Variants in DNAAF11 observed in about 807,000 individuals in gnomAD.
DNAAF11 encodes leucine rich repeat containing 6.
Under a neutral mutation model 60.8 loss-of-function variants are expected in DNAAF11, and 45 were observed. The observed-to-expected ratio is 0.74, with a 90% CI of 0.58 to 0.95. The LOEUF (loss-of-function observed/expected upper bound fraction) is 0.95, where lower values mean the gene tolerates loss of function less well. Ranked by LOEUF, DNAAF11 falls within the 40% of genes least tolerant of loss-of-function variation. DNAAF11 has a pLI of 0.00. For synonymous variants in DNAAF11, 191 were observed against 183.5 expected (o/e 1.04, Z -0.33); for missense variants, 546 against 546.2 (o/e 1.00, Z 0.00).
intron 5 of DNAAF11, among the ~76,000 whole-genome samples, chr8:132,631,937 G>C (rs1252885271): frequency 2.6e-5 from 4 of 151,576 alleles, no homozygotes; most frequent in African/African-American, 9.7e-5. Context: ...AATGGGTGCA[G>C]CACACCAACA....
At chr8:132,647,831 A>C (rs1027520608) in intron 3 of DNAAF11, among the ~76,000 whole-genome samples, 1 of 152,240 alleles carries the variant, frequency 6.6e-6, no homozygotes, top group African/African-American at 2.4e-5. Context: ...TGAATCCCTG[A>C]ATAGACCAAT....
intron 3 of DNAAF11, among the ~76,000 whole-genome samples, chr8:132,646,638 G>T (rs570276365): frequency 6.6e-6 from 1 of 152,176 alleles, no homozygotes; most frequent in Non-Finnish European, 1.5e-5. Context: ...AGGGATGGAG[G>T]AAGATCTACC....
At chr8:132,692,779 G>A in the DNAAF11 span, among the ~76,000 whole-genome samples, 733 of 152,302 alleles carry the variant, frequency 4.8e-3, 6 homozygotes, top group African/African-American at 0.012. Flanking sequence ...CCAAGGGCAA[G>A]CATTACTCAT....
intron 8 of DNAAF11, among the ~76,000 whole-genome samples, chr8:132,612,637 C>G (rs766014646): frequency 1.3e-5 from 2 of 152,014 alleles, no homozygotes; most frequent in Non-Finnish European, 2.9e-5. Context: ...TGCCCTCCCC[C>G]ACAGGGCTCT....
At chr8:132,573,364 C>T (rs537163885) in intron 11 of DNAAF11, among the ~76,000 whole-genome samples, 6 of 152,266 alleles carry the variant, frequency 3.9e-5, no homozygotes, top group Admixed American at 1.3e-4. Flanking sequence ...AGGGAAACCA[C>T]GGTCTGTGCA....
chr8:132,650,176 T>C (rs1327690781), intron 3 of DNAAF11, among the ~76,000 whole-genome samples: 1 of 152,220 alleles, frequency 6.6e-6, no homozygotes, highest in African/African-American at 2.4e-5. Flanking sequence ...CACCATGGAA[T>C]ACTATGCAGC....
At chr8:132,596,634 G>A (rs1817043619) in intron 10 of DNAAF11, among the ~76,000 whole-genome samples, 1 of 152,162 alleles carries the variant, frequency 6.6e-6, no homozygotes, top group African/African-American at 2.4e-5. Context: ...AAGTACCCAG[G>A]ACCTGAGGCT....
intron 7 of DNAAF11, among the ~76,000 whole-genome samples, chr8:132,620,941 T>G (rs528887726): frequency 4.6e-5 from 7 of 152,204 alleles, no homozygotes; most frequent in Admixed American, 3.3e-4. Context: ...GGGCTTCTGG[T>G]GGATCACCTA....
intron 11 of DNAAF11, among the ~76,000 whole-genome samples, chr8:132,575,622 G>A (rs75896039): frequency 0.027 from 4,111 of 152,174 alleles, 207 homozygotes; most frequent in African/African-American, 0.092. Flanking sequence ...ACCAAGGCCC[G>A]GAAAGAATTA....
intron 7 of DNAAF11, among the ~76,000 whole-genome samples, chr8:132,619,768 T>A (rs941786744): frequency 9.2e-5 from 14 of 152,204 alleles, no homozygotes; most frequent in Non-Finnish European, 1.9e-4. Flanking sequence ...TGTGTGAGAC[T>A]GATCTAGCAG....
chr8:132,590,415 T>C (rs1394539029), intron 10 of DNAAF11, among the ~76,000 whole-genome samples: 1 of 152,242 alleles, frequency 6.6e-6, no homozygotes, highest in Non-Finnish European at 1.5e-5. Flanking sequence ...GTCCCAGGAA[T>C]AGTGGTAACT....
intron 3 of DNAAF11, among the ~76,000 whole-genome samples, chr8:132,643,021 C>T (rs763134656): frequency 3.9e-5 from 6 of 152,186 alleles, no homozygotes; most frequent in African/African-American, 7.2e-5. Flanking sequence ...CATACGAGCA[C>T]GCAACCTACA....
intron 3 of DNAAF11, among the ~76,000 whole-genome samples, chr8:132,648,108 C>G (rs1028810529): frequency 6.6e-6 from 1 of 152,274 alleles, no homozygotes; most frequent in Non-Finnish European, 1.5e-5. Context: ...CAAAAATCCT[C>G]AATAAAATAC....
Position 132,656,823 on chromosome 8 carries a change from G to A in DNAAF11, c.256+7C>T, listed in dbSNP as rs781258895. 3.3e-6 allele frequency: 4 copies of A among 1,199,006 alleles called. No individual in the cohort carries two copies. The highest frequency in any genetic ancestry group is 3.6e-6 in the Non-Finnish European group (3 of 825,392). The allele number at this position is 1,199,006 out of a possible 1,614,324, so 74.3% of individuals were successfully genotyped here. A position where few individuals can be genotyped will look rare whatever the true frequency, so the allele number is the denominator to read the frequency against. ...TCATAATAGCATAATAGAAGAAACA[G>A]TCTTACCTTCCAAGTTTTCTATTTT... On this transcript the variant is annotated splice_region_variant and intron_variant, in intron 3 of 11. Transcript: ENST00000620350.
At chr8:132,610,412 T>G (rs1818546537) in intron 9 of DNAAF11, 151 bp from the exon 10 acceptor site, 3 of 585,740 alleles carry the variant, frequency 5.1e-6, no homozygotes, top group Admixed American at 3.1e-5. Context: ...GAGCTATGCT[T>G]TCTATGCACA....
the DNAAF11 span, among the ~76,000 whole-genome samples, chr8:132,685,366 A>C: frequency 1.3e-5 from 2 of 152,352 alleles, no homozygotes; most frequent in African/African-American, 4.8e-5. Context: ...TAATCAACCA[A>C]GATAAACTTG....
rs147683488 is a variant in DNAAF11, at chr8:132,659,133, G to T, written c.179-2226C>A. ...TCTGATTCAGTAGGTCTGGGGACGG[G>T]GCACTTGACAAGACCCCACATGGCC... On this transcript the variant is annotated intron_variant, in intron 2 of 11. Transcript: ENST00000620350. Among the ~76,000 whole-genome samples the T allele has an allele frequency of 5.3e-5, 8 of 152,314 alleles. 1 individual carries two copies. The highest frequency in any genetic ancestry group is 1.9e-4 in the African/African-American group (8 of 41,576).
intron 7 of DNAAF11, among the ~76,000 whole-genome samples, chr8:132,620,480 G>A (rs1016355378): frequency 6.6e-6 from 1 of 152,082 alleles, no homozygotes; most frequent in Non-Finnish European, 1.5e-5. Flanking sequence ...GATTACAGGT[G>A]TGTGCCACCA....
At position 132,572,393 on chromosome 8, in the gene DNAAF11, TG is replaced by T; in HGVS notation, c.1313del (p.Thr438AsnfsTer28). 6 of 1,613,908 alleles carry T rather than the reference TG, an allele frequency of 3.7e-6. No individual in the cohort carries two copies. The highest frequency in any genetic ancestry group is 5.1e-6 in the Non-Finnish European group (6 of 1,179,830). On this transcript the variant is annotated frameshift_variant, in exon 12 of 12. Transcript: ENST00000620350. LOFTEE classifies it high-confidence loss of function. ...TTTTGGGTTCAGGTCGTCTTCTGGG[TG>T]TGTGTTTTTTCTCTTGAACTATGTT... ...VTNIVQEKKH[T>X]PRRRPEPKII...
Sources: allele counts gnomAD v4.1 joint callset (sites outside exome capture counted in the v4.1 genomes callset), GRCh38; gene constraint gnomAD v4.1.1; transcripts MANE v1.5; gene names NCBI Gene and HGNC (gene_info 2026-07-23, HGNC 2026-07-21).